The following GPR137C variants were observed in gnomAD, a reference collection of about 807,000 sequenced individuals.
GPR137C encodes the protein G protein-coupled receptor 137C, also known as integral membrane protein GPR137C.
A neutral mutation model predicts 43.4 loss-of-function variants in GPR137C; 27 were observed. That is an observed-to-expected ratio of 0.62 (90% CI 0.46 to 0.86). GPR137C has a LOEUF of 0.86. Among genes scored for constraint, GPR137C ranks in the 40% least tolerant of loss-of-function variants. The pLI is 0.00. For missense variants in GPR137C, 522 were observed against 534.6 expected (o/e 0.98, Z 0.23); for synonymous variants, 285 against 226.9 (o/e 1.26, Z -2.30).
At chr14:52,634,187 C>T (rs1177452951) in intron 6 of GPR137C, among the ~76,000 whole-genome samples, 7 of 152,024 alleles carry the variant, frequency 4.6e-5, no homozygotes, top group Admixed American at 1.3e-4. Context: ...CATTTCATTT[C>T]GGGATCACTT....
chr14:52,594,688 C>CT (rs945856973), intron 1 of GPR137C, among the ~76,000 whole-genome samples: 7 of 151,958 alleles, frequency 4.6e-5, no homozygotes, highest in African/African-American at 9.7e-5. Flanking sequence ...TCCTCCATCC[C>CT]TTTTTTTTGA....
chr14:52,631,341 T>C (rs1048344614), intron 3 of GPR137C, among the ~76,000 whole-genome samples: 10 of 152,148 alleles, frequency 6.6e-5, no homozygotes, highest in Non-Finnish European at 1.3e-4. Context: ...CCCTTAATCA[T>C]TGTGACAACC....
At chr14:52,595,225 A>C (rs561109665) in intron 1 of GPR137C, among the ~76,000 whole-genome samples, 93 of 152,190 alleles carry the variant, frequency 6.1e-4, no homozygotes, top group African/African-American at 2.2e-3. Context: ...GGGTAACCCG[A>C]CCTTTCTCTC....
chr14:52,567,094 C>T (rs1444187586), intron 1 of GPR137C, among the ~76,000 whole-genome samples: 1 of 152,028 alleles, frequency 6.6e-6, no homozygotes, highest in East Asian at 1.9e-4. Flanking sequence ...GCCTGGGTGA[C>T]AAAGTGAGAC....
chr14:52,628,806 G>A (rs2039260844), intron 3 of GPR137C, among the ~76,000 whole-genome samples: 1 of 151,994 alleles, frequency 6.6e-6, no homozygotes, highest in Non-Finnish European at 1.5e-5. Flanking sequence ...AAATAAAAAA[G>A]AAGTTAAAAT....
chr14:52,561,004 A>G (rs1157370599), intron 1 of GPR137C, among the ~76,000 whole-genome samples: 1 of 152,238 alleles, frequency 6.6e-6, no homozygotes, highest in Non-Finnish European at 1.5e-5. Context: ...TTATAACTCA[A>G]TAAGAAAATC....
chr14:52,577,476 G>C (rs563864382), intron 1 of GPR137C, among the ~76,000 whole-genome samples: 3 of 150,546 alleles, frequency 2.0e-5, no homozygotes, highest in African/African-American at 7.3e-5. Context: ...GATCAGAACT[G>C]AATGAAATTG....
At chr14:52,583,573 T>C (rs1042101089) in intron 1 of GPR137C, among the ~76,000 whole-genome samples, 5 of 152,252 alleles carry the variant, frequency 3.3e-5, no homozygotes, top group African/African-American at 1.2e-4. Context: ...TCCTTTTAAA[T>C]GCCTTCACTG....
In GPR137C at chr14:52,635,172, T is replaced by A; in HGVS notation, c.*57T>A. 7.4e-7 allele frequency: 1 copy of A among 1,348,340 alleles called. No homozygotes were observed. The highest frequency in any genetic ancestry group is 1.0e-6 in the Non-Finnish European group (1 of 1,000,850). 83.5% of individuals were successfully genotyped at this position (1,348,340 alleles called of 1,614,324 possible). On this transcript the variant is annotated 3_prime_UTR_variant, in exon 7 of 7. Transcript: ENST00000321662. ...TTTTCATAAATGTGTATATTCAATG[T>A]GTTTAAATTCCATCTACATAAACAT...
chr14:52,607,256 C>T (rs947269676), intron 3 of GPR137C, among the ~76,000 whole-genome samples: 2 of 152,154 alleles, frequency 1.3e-5, no homozygotes, highest in Admixed American at 1.3e-4. Flanking sequence ...GAAAAATGTG[C>T]ATTCTGCAGC....
chr14:52,563,030 A>G (rs2038310258), intron 1 of GPR137C, among the ~76,000 whole-genome samples: 1 of 152,184 alleles, frequency 6.6e-6, no homozygotes, highest in Non-Finnish European at 1.5e-5. Flanking sequence ...ATCAGTCTAC[A>G]AAATAGTTGT....
In GPR137C at chr14:52,636,400, A is replaced by C. The variant is rs1270594082; in HGVS notation, c.*1285A>C. 1 of 152,124 alleles carries C rather than the reference A, an allele frequency of 6.6e-6. No homozygotes were observed. Among genetic ancestry groups the C allele is most frequent in the Non-Finnish European group, 1.5e-5 (1 of 67,974 alleles). 9.4% of individuals were successfully genotyped at this position (152,124 alleles called of 1,614,324 possible). A position where few individuals can be genotyped will look rare whatever the true frequency, so the allele number is the denominator to read the frequency against. ...TTTGTACCAGTGTCTATATGGAAAG[A>C]AGTAGATGCTGAATACCTCAAGATG... On this transcript the variant is annotated 3_prime_UTR_variant, in exon 7 of 7. Transcript: ENST00000321662.
Position 52,635,287 on chromosome 14 carries a change from A to G in GPR137C, c.*172A>G. On this transcript the variant is annotated 3_prime_UTR_variant, in exon 7 of 7. Transcript: ENST00000321662. ...CTATTATTTTTGACCTCTTCATAGT[A>G]AAATGAAGTAAAATGGAAAGTTTGG... 2 of 476,964 alleles carry G rather than the reference A, an allele frequency of 4.2e-6. No individual in the cohort carries two copies. The allele number at this position is 476,964 out of a possible 1,614,324, so 29.5% of individuals were successfully genotyped here. A position where few individuals can be genotyped will look rare whatever the true frequency, so the allele number is the denominator to read the frequency against.
rs908765349 is a variant in GPR137C at position 52,636,566 on chromosome 14, C to T, written c.*1451C>T. ...TACTTTGATTAGAATGTTATTTCCT[C>T]GCTTACTTAAAATGTACTTCAACTT... On this transcript the variant is annotated 3_prime_UTR_variant, in exon 7 of 7. Coordinates refer to ENST00000321662, the MANE Select transcript of GPR137C (RefSeq NM_001099652.2). 5 of 152,048 alleles carry T rather than the reference C, an allele frequency of 3.3e-5. No homozygotes were observed. The highest frequency in any genetic ancestry group is 6.6e-5 in the Admixed American group (1 of 15,252). 9.4% of individuals were successfully genotyped at this position (152,048 alleles called of 1,614,324 possible).
chr14:52,563,839 C>T lies in GPR137C; in HGVS notation c.444+10248C>T, dbSNP rs140381641. On this transcript the variant is annotated intron_variant, in intron 1 of 6. Transcript: ENST00000321662. ...CTTAAGTCCATTCACTTCTTCCCTT[C>T]AAAATGCCTGGTCCAGGCTACTAGC... Among the ~76,000 whole-genome samples the T allele has an allele frequency of 5.7e-4, 87 of 152,268 alleles. No homozygotes were observed. In the East Asian group the frequency reaches 0.016, roughly 27 times the overall value.
Position 52,579,319 on chromosome 14 carries a change from C to A in GPR137C, c.445-18953C>A, listed in dbSNP as rs190070104. 4.2e-3 allele frequency among the ~76,000 whole-genome samples: 642 copies of A among 152,160 alleles called. 2 individuals are homozygous for A. The highest frequency in any genetic ancestry group is 6.6e-3 in the Non-Finnish European group (452 of 68,004). ...GGTGGCCTCTCCAGAGAATAAATAC[C>A]CAGATATCTGCCAGGATGAAGAAGA... On this transcript the variant is annotated intron_variant, in intron 1 of 6. Transcript: ENST00000321662.
Position 52,633,843 on chromosome 14 carries a change from A to G in GPR137C, c.1009A>G (p.Ile337Val). The G allele has an allele frequency of 1.9e-6, 3 of 1,611,612 alleles. No individual in the cohort carries two copies. The highest frequency in any genetic ancestry group is 2.5e-6 in the Non-Finnish European group (3 of 1,177,932). Residue 337 changes from isoleucine (I) to valine (V), a missense_variant, in exon 6 of 7, where the codon ATA becomes GTA. This residue lies in a region of GPR137C where 437 missense variants were observed against 425.7 expected (regional missense o/e 1.03). Coordinates refer to ENST00000321662, the MANE Select transcript of GPR137C (RefSeq NM_001099652.2). The part of the protein sequence containing the change: ...LNQNLAPAGM[I>V]NSHSYSSRAY... ...TTGTTCACAGGCACCTGCTGGCATG[A>G]TAAATAGTCACAGTTATAGTTCCAG...
intron 3 of GPR137C, among the ~76,000 whole-genome samples, chr14:52,630,919 G>A (rs2039287084): frequency 6.6e-6 from 1 of 152,298 alleles, no homozygotes; most frequent in African/African-American, 2.4e-5. Context: ...TTTAGACACA[G>A]AAACCATGAA....
At chr14:52,583,298 C>A (rs1314847575) in intron 1 of GPR137C, among the ~76,000 whole-genome samples, 1 of 152,076 alleles carries the variant, frequency 6.6e-6, no homozygotes, top group Non-Finnish European at 1.5e-5. Context: ...AACTCATGAT[C>A]ATGTCCTGTT....
Sources: gnomAD v4.1 joint callset for allele counts (sites outside exome capture counted in the v4.1 genomes callset) on GRCh38, gnomAD v4.1.1 for gene constraint, gnomAD v4.1.1 regional missense constraint, MANE v1.5 for transcripts, NCBI Gene and HGNC (gene_info 2026-07-23, HGNC 2026-07-21) for gene names.